Variants in HMG20A observed in about 807,000 individuals in gnomAD.
HMG20A encodes high mobility group protein 20A.
HMG20A carries 17 observed loss-of-function variants against 43.9 expected under a neutral mutation model. That is an observed-to-expected ratio of 0.39 (90% CI 0.27 to 0.58). HMG20A has a LOEUF of 0.58. Ranked by LOEUF, HMG20A falls within the 20% of genes least tolerant of loss-of-function variation. The pLI, the probability that HMG20A is intolerant of heterozygous loss-of-function variation, is 0.59. For synonymous variants in HMG20A, 132 were observed against 147.5 expected (o/e 0.89, Z 0.76); for missense variants, 341 against 438.2 (o/e 0.78, Z 1.98).
the HMG20A span, among the ~76,000 whole-genome samples, chr15:77,505,734 C>A: frequency 2.6e-5 from 4 of 152,208 alleles, no homozygotes; most frequent in Non-Finnish European, 5.9e-5. Context: ...GGCTGCAGGG[C>A]TACAGGGCTG....
At chr15:77,432,722 CAAAA>C (rs34459644) in intron 1 of HMG20A, among the ~76,000 whole-genome samples, 279 of 77,716 alleles carry the variant, frequency 3.6e-3, no homozygotes, top group Middle Eastern at 0.015. Context: ...AACTCCGACT[CAAAA>C]AAAAAAAAAA....
chr15:77,480,521 GA>G (rs1381357603), intron 9 of HMG20A, among the ~76,000 whole-genome samples: 1 of 151,114 alleles, frequency 6.6e-6, no homozygotes, highest in Non-Finnish European at 1.5e-5. Context: ...GCTGAGGCAG[GA>G]GGATCACTTA....
the HMG20A span, among the ~76,000 whole-genome samples, chr15:77,494,318 T>TG: frequency 6.6e-6 from 1 of 152,050 alleles, no homozygotes; most frequent in African/African-American, 2.4e-5. Context: ...TTTATAGAGA[T>TG]GGGGGTCTCA....
In HMG20A at chr15:77,481,182, A is replaced by G. The variant is rs543727196; in HGVS notation, c.*7-1788A>G. 4.6e-5 allele frequency among the ~76,000 whole-genome samples: 7 copies of G among 152,304 alleles called. No individual in the cohort carries two copies. The South Asian group carries it at 6.2e-4, about 14-fold the overall frequency. The stretch of plus-strand genomic sequence containing the variant: ...CCTTGGATGGTAACTGTACAAGGCA[A>G]TGCATTATATTTTAGCCTCAGCCAT... On this transcript the variant is annotated intron_variant, in intron 9 of 9. Transcript: ENST00000336216.
At chr15:77,426,962 A>G (rs1180510948) in intron 1 of HMG20A, among the ~76,000 whole-genome samples, 1 of 152,202 alleles carries the variant, frequency 6.6e-6, no homozygotes, top group African/African-American at 2.4e-5. Context: ...CTACAGAGGT[A>G]TTAACAAAGG....
At chr15:77,422,625 A>G (rs1247687589) in intron 1 of HMG20A, among the ~76,000 whole-genome samples, 1 of 151,838 alleles carries the variant, frequency 6.6e-6, no homozygotes, top group Non-Finnish European at 1.5e-5. Context: ...AAAATAGATA[A>G]ATAAATAAAT....
the HMG20A span, among the ~76,000 whole-genome samples, chr15:77,497,185 C>T: frequency 6.6e-6 from 1 of 152,202 alleles, no homozygotes; most frequent in Non-Finnish European, 1.5e-5. Flanking sequence ...CTTTGTGTTT[C>T]GTGGCTCTAA....
rs143596786 is a variant in HMG20A at position 77,454,508 on chromosome 15, A to G, written c.-4-3896A>G. Among the ~76,000 whole-genome samples, 8 of 152,274 alleles carry G rather than the reference A, an allele frequency of 5.3e-5. No individual in the cohort carries two copies. The East Asian group carries it at 1.5e-3, about 29-fold the overall frequency. Reference sequence around the variant, plus strand: ...GTTTGGTTGAAAAACTTTGACAGAGATAACATGGCAGTTGGGAAATATCCT... The same window carrying G: ...GTTTGGTTGAAAAACTTTGACAGAGGTAACATGGCAGTTGGGAAATATCCT... On this transcript the variant is annotated intron_variant, in intron 1 of 9. Transcript: ENST00000336216.
At chr15:77,502,812 A>T in the HMG20A span, among the ~76,000 whole-genome samples, 1 of 151,136 alleles carries the variant, frequency 6.6e-6, no homozygotes, top group Admixed American at 6.6e-5. Context: ...TACAAAAAAT[A>T]AAAAAAAATT....
intron 3 of HMG20A, among the ~76,000 whole-genome samples, chr15:77,465,664 G>C (rs1250411093): frequency 6.6e-6 from 1 of 151,944 alleles, no homozygotes; most frequent in Non-Finnish European, 1.5e-5. Context: ...CAAAGTGCTG[G>C]GATTACAGGT....
At chr15:77,489,114 AAC>A (rs540882081), downstream of HMG20A, among the ~76,000 whole-genome samples, 2 of 152,354 alleles carry the variant, frequency 1.3e-5, no homozygotes, top group South Asian at 4.1e-4. Context: ...ATCCATGTAA[AAC>A]ACTTAGAATA....
chr15:77,478,120 G>A (rs1355599310), intron 7 of HMG20A, 175 bp from the exon 8 acceptor site: 1 of 617,192 alleles, frequency 1.6e-6, no homozygotes, highest in East Asian at 2.8e-5. Context: ...TAGCTCTGGG[G>A]AGTCAGGCGT....
intron 1 of HMG20A, among the ~76,000 whole-genome samples, chr15:77,434,339 CT>C (rs747733459): frequency 1.5e-5 from 2 of 129,322 alleles, no homozygotes; most frequent in East Asian, 4.0e-4. Context: ...AAATTAAAAA[CT>C]TCATAAACTC....
At chr15:77,434,962 C>T (rs923744058) in intron 1 of HMG20A, among the ~76,000 whole-genome samples, 2 of 152,072 alleles carry the variant, frequency 1.3e-5, no homozygotes, top group African/African-American at 4.8e-5. Flanking sequence ...TCTTAATAGC[C>T]CAAATGTCCA....
intron 1 of HMG20A, among the ~76,000 whole-genome samples, chr15:77,455,317 G>A (rs2072644101): frequency 6.8e-6 from 1 of 148,064 alleles, no homozygotes; most frequent in South Asian, 2.2e-4. Context: ...TGACTACAGA[G>A]AGAAAATGTG....
At chr15:77,445,874 G>A (rs1004771364) in intron 1 of HMG20A, among the ~76,000 whole-genome samples, 1 of 152,154 alleles carries the variant, frequency 6.6e-6, no homozygotes, top group Non-Finnish European at 1.5e-5. Flanking sequence ...TCAGAACAGT[G>A]TATAACTTAA....
At chr15:77,481,399 T>C (rs1332818654) in intron 9 of HMG20A, among the ~76,000 whole-genome samples, 1 of 152,144 alleles carries the variant, frequency 6.6e-6, no homozygotes, top group Non-Finnish European at 1.5e-5. Flanking sequence ...TCGTACAGTG[T>C]TTTCAATTAG....
chr15:77,425,390 C>A (rs1187065817), intron 1 of HMG20A, among the ~76,000 whole-genome samples: 1 of 152,150 alleles, frequency 6.6e-6, no homozygotes, highest in Non-Finnish European at 1.5e-5. Flanking sequence ...CAAAACTGAT[C>A]AATAACTTTT....
At chr15:77,449,642 A>C (rs2073713406) in intron 1 of HMG20A, among the ~76,000 whole-genome samples, 1 of 152,186 alleles carries the variant, frequency 6.6e-6, no homozygotes, top group African/African-American at 2.4e-5. Context: ...TTTAAAATGA[A>C]TGAATGTTAT....
Sources: gnomAD v4.1 joint callset for allele counts (sites outside exome capture counted in the v4.1 genomes callset) on GRCh38, gnomAD v4.1.1 for gene constraint, MANE v1.5 for transcripts, NCBI Gene and HGNC (gene_info 2026-07-23, HGNC 2026-07-21) for gene names.